PSD3: variants seen among roughly 807,000 people sequenced by gnomAD.
PSD3 encodes the protein pleckstrin and Sec7 domain containing 3.
Under a neutral mutation model 105.5 loss-of-function variants are expected in PSD3, and 49 were observed. The observed-to-expected ratio is 0.46, with a 90% CI of 0.37 to 0.59. PSD3 has a LOEUF of 0.59. Ranked by LOEUF, PSD3 falls within the 20% of genes least tolerant of loss-of-function variation. The probability of loss-of-function intolerance (pLI) is 0.00; values close to 1 mark genes in which losing one functional copy is unlikely to be tolerated. For missense variants in PSD3, 1,561 were observed against 1,263.8 expected, an observed-to-expected ratio of 1.24 and a Z score of -3.57; for synonymous variants, 557 against 457.8, an observed-to-expected ratio of 1.22 and a Z score of -2.77.
At chr8:18,998,342 G>A (rs1826190397) in intron 1 of PSD3, among the ~76,000 whole-genome samples, 1 of 151,922 alleles carries the variant, frequency 6.6e-6, no homozygotes, top group Non-Finnish European at 1.5e-5. Flanking sequence ...CACTCCAAGG[G>A]TGCTAGGCTT....
chr8:18,941,924 C>T (rs913311538), intron 1 of PSD3, among the ~76,000 whole-genome samples: 2 of 152,052 alleles, frequency 1.3e-5, no homozygotes, highest in African/African-American at 2.4e-5. Context: ...CCGCCCGCCT[C>T]GGCCTCCCAA....
At chr8:19,011,428 C>T (rs566181182) in intron 1 of PSD3, among the ~76,000 whole-genome samples, 64 of 152,314 alleles carry the variant, frequency 4.2e-4, no homozygotes, top group African/African-American at 1.5e-3. Flanking sequence ...AATTTTCCAT[C>T]AGGGCTGGCA....
chr8:18,655,344 A>T (rs1808812959), intron 10 of PSD3, among the ~76,000 whole-genome samples: 1 of 151,888 alleles, frequency 6.6e-6, no homozygotes, highest in Non-Finnish European at 1.5e-5. Context: ...AAAAAAAAAA[A>T]AAATTAAAAG....
intron 10 of PSD3, among the ~76,000 whole-genome samples, chr8:18,637,919 A>G (rs1807384896): frequency 6.6e-6 from 1 of 152,138 alleles, no homozygotes; most frequent in South Asian, 2.1e-4. Flanking sequence ...GCACATTGGG[A>G]GGCCGAGGCA....
chr8:19,010,228 G>A (rs889412633), intron 1 of PSD3, among the ~76,000 whole-genome samples: 9 of 152,030 alleles, frequency 5.9e-5, no homozygotes, highest in South Asian at 2.1e-4. Flanking sequence ...AAGAGCGGGC[G>A]GATCCCTCAC....
At chr8:18,904,008 C>T (rs1259326421) in intron 2 of PSD3, among the ~76,000 whole-genome samples, 1 of 152,152 alleles carries the variant, frequency 6.6e-6, no homozygotes, top group African/African-American at 2.4e-5. Context: ...TATAAAGGAA[C>T]ACCCGAAACT....
At chr8:18,702,802 CAG>C (rs1257531891) in intron 9 of PSD3, among the ~76,000 whole-genome samples, 5 of 151,938 alleles carry the variant, frequency 3.3e-5, no homozygotes, top group Non-Finnish European at 7.4e-5. Context: ...TTAGTAGAGA[CAG>C]GGTTTCACCA....
chr8:18,972,344 G>C (rs1329618021), intron 1 of PSD3, among the ~76,000 whole-genome samples: 1 of 152,178 alleles, frequency 6.6e-6, no homozygotes, highest in Non-Finnish European at 1.5e-5. Context: ...GAGGGGAGCA[G>C]GGAGTCTGTA....
At chr8:18,748,870 G>A (rs1805246760) in intron 9 of PSD3, among the ~76,000 whole-genome samples, 1 of 152,082 alleles carries the variant, frequency 6.6e-6, no homozygotes. Flanking sequence ...AGCCCTGTGG[G>A]GCAATACAAA....
chr8:18,540,785 C>T (rs1563303036), intron 15 of PSD3, among the ~76,000 whole-genome samples: 1 of 151,998 alleles, frequency 6.6e-6, no homozygotes, highest in Non-Finnish European at 1.5e-5. Context: ...CCAGTGGTTT[C>T]TCATCCTTAA....
chr8:18,656,723 T>G (rs1290098833), intron 9 of PSD3, among the ~76,000 whole-genome samples: 3 of 152,122 alleles, frequency 2.0e-5, no homozygotes, highest in African/African-American at 7.2e-5. Flanking sequence ...AAACATTTTT[T>G]TAAGACACAG....
intron 10 of PSD3, among the ~76,000 whole-genome samples, chr8:18,649,703 T>A (rs535829259): frequency 1.3e-5 from 2 of 152,320 alleles, no homozygotes; most frequent in African/African-American, 4.8e-5. Context: ...TAATGTTGAA[T>A]TGTAATCCCC....
At chr8:18,682,613 G>A (rs1800449351) in intron 9 of PSD3, among the ~76,000 whole-genome samples, 2 of 152,196 alleles carry the variant, frequency 1.3e-5, no homozygotes, top group South Asian at 4.1e-4. Flanking sequence ...ATTTGCTAAT[G>A]ACGGAGGGGG....
At chr8:18,885,742 T>C (rs955621295) in intron 2 of PSD3, among the ~76,000 whole-genome samples, 2 of 152,210 alleles carry the variant, frequency 1.3e-5, no homozygotes, top group Admixed American at 6.5e-5. Flanking sequence ...GTCCCAAGTA[T>C]ATCTAGAAAT....
chr8:18,861,632 C>G (rs1407601754), intron 4 of PSD3, among the ~76,000 whole-genome samples: 1 of 152,166 alleles, frequency 6.6e-6, no homozygotes, highest in East Asian at 1.9e-4. Context: ...ATCATTTTGA[C>G]TCAGCCCCAT....
intron 1 of PSD3, among the ~76,000 whole-genome samples, chr8:19,059,918 G>C (rs1828839586): frequency 6.6e-6 from 1 of 152,216 alleles, no homozygotes; most frequent in South Asian, 2.1e-4. Flanking sequence ...TCTGTGCAGA[G>C]AGCTGCATCC....
intron 1 of PSD3, among the ~76,000 whole-genome samples, chr8:18,966,915 G>C (rs1441286371): frequency 6.6e-6 from 1 of 152,176 alleles, no homozygotes; most frequent in Non-Finnish European, 1.5e-5. Flanking sequence ...AGCAAGGCTT[G>C]GGTAGGGGGA....
Position 19,031,338 on chromosome 8 carries a change from ATTT to A in PSD3, c.324+52865_324+52867del, listed in dbSNP as rs145286115. 4.4e-3 allele frequency among the ~76,000 whole-genome samples: 677 copies of A among 152,338 alleles called. 4 individuals carry two copies. Among genetic ancestry groups the A allele is most frequent in the African/African-American group, 0.016 (647 of 41,578 alleles). On this transcript the variant is annotated intron_variant, in intron 1 of 1. Transcript: ENST00000521475. ...ATCAAGTATCAATAATAAGCATATT[ATTT>A]ATTATACGTTTGAAAGCTGGAAGAG...
intron 9 of PSD3, among the ~76,000 whole-genome samples, chr8:18,756,357 G>T (rs1268837019): frequency 6.6e-6 from 1 of 152,142 alleles, no homozygotes; most frequent in Non-Finnish European, 1.5e-5. Context: ...ACTGAGGTCT[G>T]CTTCTTCCTC....
Sources: gnomAD v4.1 joint callset for allele counts (sites outside exome capture counted in the v4.1 genomes callset) on GRCh38, gnomAD v4.1.1 for gene constraint, MANE v1.5 for transcripts, NCBI Gene and HGNC (gene_info 2026-07-23, HGNC 2026-07-21) for gene names.